EMP2: variants seen among roughly 807,000 people sequenced by gnomAD.
EMP2 encodes epithelial membrane protein 2.
Under a neutral mutation model 13.7 loss-of-function variants are expected in EMP2, and 19 were observed. The observed-to-expected ratio is 1.38, with a 90% CI of 0.97 to 2.03. EMP2 has a LOEUF of 2.03. Among genes scored for constraint, EMP2 ranks in the 30% most tolerant of loss-of-function variants. The probability of loss-of-function intolerance (pLI) is 0.00; values close to 1 mark genes in which losing one functional copy is unlikely to be tolerated. For missense variants in EMP2, 253 were observed against 220.7 expected (o/e 1.15, Z -0.93); for synonymous variants, 97 against 84.7 (o/e 1.15, Z -0.80).
chr16:10,574,619 C>T (rs2050969925), intron 1 of EMP2, among the ~76,000 whole-genome samples: 2 of 152,006 alleles, frequency 1.3e-5, no homozygotes, highest in Admixed American at 1.3e-4. Flanking sequence ...AGTGCAATGG[C>T]ACAATCTCGG....
At chr16:10,571,743 G>A (rs1296916904) in intron 1 of EMP2, among the ~76,000 whole-genome samples, 1 of 152,240 alleles carries the variant, frequency 6.6e-6, no homozygotes, top group East Asian at 1.9e-4. Context: ...GCAGCGGTCT[G>A]GACCAAGATA....
chr16:10,559,780 T>C (rs1003364984), intron 1 of EMP2, among the ~76,000 whole-genome samples: 1 of 152,164 alleles, frequency 6.6e-6, no homozygotes, highest in African/African-American at 2.4e-5. Flanking sequence ...GTTCAAGCAA[T>C]TCTCCTGCCT....
intron 4 of EMP2, among the ~76,000 whole-genome samples, chr16:10,534,596 C>T (rs1283051176): frequency 2.6e-5 from 4 of 151,924 alleles, no homozygotes; most frequent in South Asian, 2.1e-4. Flanking sequence ...CAAAACCTCA[C>T]CTCTACTAAA....
intron 1 of EMP2, among the ~76,000 whole-genome samples, chr16:10,578,820 G>C (rs2051002316): frequency 6.6e-6 from 1 of 152,254 alleles, no homozygotes. Flanking sequence ...GGGAAAACAG[G>C]TTCTGCACCT....
At chr16:10,563,840 G>A (rs2050889445) in intron 1 of EMP2, among the ~76,000 whole-genome samples, 1 of 152,238 alleles carries the variant, frequency 6.6e-6, no homozygotes, top group Admixed American at 6.5e-5. Flanking sequence ...TGAAGTGAAA[G>A]TAGTTAGAAC....
intron 1 of EMP2, among the ~76,000 whole-genome samples, chr16:10,562,864 C>T (rs2050882392): frequency 6.6e-6 from 1 of 152,210 alleles, no homozygotes; most frequent in Non-Finnish European, 1.5e-5. Context: ...CCAATGACTG[C>T]TGCCTGACCC....
At chr16:10,554,044 T>TG (rs1161683315) in intron 1 of EMP2, among the ~76,000 whole-genome samples, 1 of 151,544 alleles carries the variant, frequency 6.6e-6, no homozygotes, top group Non-Finnish European at 1.5e-5. Flanking sequence ...TCTTTTTTTT[T>TG]TTTTTGAGAC....
chr16:10,575,913 C>T (rs1326738374), intron 1 of EMP2, among the ~76,000 whole-genome samples: 27 of 151,968 alleles, frequency 1.8e-4, no homozygotes, highest in Non-Finnish European at 8.8e-5. Context: ...AGGGCTTGGT[C>T]TGGAAGCTCT....
At chr16:10,561,706 C>G (rs572541302) in intron 1 of EMP2, among the ~76,000 whole-genome samples, 1 of 152,296 alleles carries the variant, frequency 6.6e-6, no homozygotes, top group South Asian at 2.1e-4. Context: ...ACATATCTGC[C>G]TGCTACAGTG....
rs2050662737 is a variant in EMP2 at position 10,538,003 on chromosome 16, TGAA to T, written c.238_240del (p.Phe80del). 1.9e-6 allele frequency: 3 copies of T among 1,614,002 alleles called. No individual in the cohort carries two copies. Among genetic ancestry groups the T allele is most frequent in the Non-Finnish European group, 2.5e-6 (3 of 1,179,992 alleles). On this transcript the variant is annotated inframe_deletion, in exon 4 of 5. Coordinates refer to ENST00000359543, the MANE Select transcript of EMP2 (RefSeq NM_001424.6). ...AGGCGGAAGAGCTGGAGCACGAAGA[TGAA>T]GAAGGCGATGCAGCAGAGAATGGTG...
At chr16:10,539,973 G>C (rs1443768116) in intron 3 of EMP2, among the ~76,000 whole-genome samples, 1 of 152,122 alleles carries the variant, frequency 6.6e-6, no homozygotes, top group African/African-American at 2.4e-5. Context: ...TTGTCCTGGA[G>C]TGGGCACCAG....
intron 1 of EMP2, among the ~76,000 whole-genome samples, chr16:10,555,596 C>T (rs117861877): frequency 1.9e-4 from 29 of 149,752 alleles, no homozygotes; most frequent in Admixed American, 5.3e-4. Flanking sequence ...CTTTTTTTTT[C>T]TTTTTTTTTG....
Position 10,529,525 on chromosome 16 carries a change from A to G in EMP2, c.*3380T>C, listed in dbSNP as rs2050580745. On this transcript the variant is annotated 3_prime_UTR_variant, in exon 5 of 5. Transcript: ENST00000359543. ...ATAGGATCATTTCAGACCGCATTCA[A>G]CACAGATACTCATGTAGCCCCGACG... is the stretch of plus-strand genomic sequence containing the variant. 6.6e-6 allele frequency: 1 copy of G among 152,210 alleles called. No individual in the cohort carries two copies. The highest frequency in any genetic ancestry group is 2.4e-5 in the African/African-American group (1 of 41,450). The allele number at this position is 152,210 out of a possible 1,614,324, so 9.4% of individuals were successfully genotyped here.
In EMP2 at chr16:10,528,825, C is replaced by T. The variant is rs2050575460; in HGVS notation, c.*4080G>A. 6.6e-6 allele frequency: 1 copy of T among 152,218 alleles called. No homozygotes were observed. The highest frequency in any genetic ancestry group is 2.4e-5 in the African/African-American group (1 of 41,452). 9.4% of individuals were successfully genotyped at this position (152,218 alleles called of 1,614,324 possible). A position where few individuals can be genotyped will look rare whatever the true frequency, so the allele number is the denominator to read the frequency against. The stretch of plus-strand genomic sequence containing the variant: ...AACATCCCGCGAGGCAGATTTTAAA[C>T]TACGATACAGTTTCTATCTAGGCCA... On this transcript the variant is annotated 3_prime_UTR_variant, in exon 5 of 5. Transcript: ENST00000359543.
chr16:10,578,561 G>C (rs965328324), intron 1 of EMP2, among the ~76,000 whole-genome samples: 1 of 152,284 alleles, frequency 6.6e-6, no homozygotes, highest in Admixed American at 6.5e-5. Flanking sequence ...TCCAGCCCGA[G>C]GTGGGGCAGT....
intron 1 of EMP2, among the ~76,000 whole-genome samples, chr16:10,572,829 T>G (rs1364919891): frequency 2.0e-5 from 3 of 152,164 alleles, no homozygotes; most frequent in African/African-American, 7.2e-5. Flanking sequence ...GACACCATGT[T>G]ATTCATGCCA....
intron 4 of EMP2, among the ~76,000 whole-genome samples, chr16:10,535,463 G>A (rs565410013): frequency 6.6e-6 from 1 of 152,216 alleles, no homozygotes; most frequent in South Asian, 2.1e-4. Context: ...AGCTGGGTGC[G>A]GTGGCTCATG....
intron 1 of EMP2, among the ~76,000 whole-genome samples, chr16:10,549,925 G>T (rs1363378093): frequency 9.3e-6 from 1 of 107,562 alleles, no homozygotes; most frequent in Admixed American, 1.4e-4. Context: ...TCACTCTGTT[G>T]CCCAGGCTGG....
intron 1 of EMP2, among the ~76,000 whole-genome samples, chr16:10,551,706 G>A (rs8061897): frequency 0.17 from 25,799 of 151,912 alleles, 4,416 homozygotes; most frequent in African/African-American, 0.45. Flanking sequence ...CATCCCCAGA[G>A]CAAAATAGGA....
Sources: gnomAD v4.1 joint callset for allele counts (sites outside exome capture counted in the v4.1 genomes callset) on GRCh38, gnomAD v4.1.1 for gene constraint, MANE v1.5 for transcripts, NCBI Gene and HGNC (gene_info 2026-07-23, HGNC 2026-07-21) for gene names.